ST6GALNAC5: variants seen among roughly 807,000 people sequenced by gnomAD.
ST6GALNAC5 encodes the protein alpha-N-acetylgalactosaminide alpha-2,6-sialyltransferase 5.
ST6GALNAC5 carries 27 observed loss-of-function variants against 33.6 expected under a neutral mutation model. That is an observed-to-expected ratio of 0.80 (90% confidence interval 0.59 to 1.11). The LOEUF (loss-of-function observed/expected upper bound fraction) is 1.11. Ranked by LOEUF, ST6GALNAC5 falls within the 50% of genes least tolerant of loss-of-function variation. The pLI is 0.00. For synonymous variants in ST6GALNAC5, 194 were observed against 171.2 expected, an observed-to-expected ratio of 1.13 and a Z score of -1.04; for missense variants, 428 against 454.0, an observed-to-expected ratio of 0.94 and a Z score of 0.52.
intron 2 of ST6GALNAC5, among the ~76,000 whole-genome samples, chr1:76,978,274 T>A (rs1025231301): frequency 6.6e-6 from 1 of 152,066 alleles, no homozygotes; most frequent in Admixed American, 6.5e-5. Flanking sequence ...CTGTAGGTTG[T>A]TTTTTCACTC....
intron 2 of ST6GALNAC5, among the ~76,000 whole-genome samples, chr1:77,017,611 C>T (rs1650899787): frequency 1.3e-5 from 2 of 152,172 alleles, no homozygotes; most frequent in Admixed American, 1.3e-4. Flanking sequence ...GTTTAAATGA[C>T]AAAGCTCCTC....
At chr1:76,985,223 T>C (rs1030766236) in intron 2 of ST6GALNAC5, among the ~76,000 whole-genome samples, 1 of 152,198 alleles carries the variant, frequency 6.6e-6, no homozygotes, top group Non-Finnish European at 1.5e-5. Flanking sequence ...GGAAGTCAAA[T>C]TGTCCCTTTT....
At chr1:77,034,043 G>T (rs978565613) in intron 2 of ST6GALNAC5, among the ~76,000 whole-genome samples, 6 of 152,078 alleles carry the variant, frequency 3.9e-5, no homozygotes, top group African/African-American at 1.4e-4. Context: ...CGACCTTGTT[G>T]GTGGCAAAGT....
chr1:77,052,079 G>A (rs1652238257), intron 4 of ST6GALNAC5, among the ~76,000 whole-genome samples: 1 of 152,212 alleles, frequency 6.6e-6, no homozygotes, highest in Non-Finnish European at 1.5e-5. Flanking sequence ...TAATGTCAAT[G>A]CATTACATAT....
chr1:76,896,607 A>C (rs1654144000), intron 2 of ST6GALNAC5, among the ~76,000 whole-genome samples: 3 of 152,078 alleles, frequency 2.0e-5, no homozygotes, highest in African/African-American at 7.2e-5. Context: ...TGGATCAGAG[A>C]GATACAGTCA....
rs138633761 is a variant in ST6GALNAC5, at chr1:77,000,807, T to C, written c.262-43397T>C. On this transcript the variant is annotated intron_variant, in intron 2 of 4. Coordinates refer to ENST00000477717, the MANE Select transcript of ST6GALNAC5 (RefSeq NM_030965.3). The stretch of plus-strand genomic sequence containing the variant: ...GTCAAAGATCAGATAGTTGTAGATA[T>C]GCGGCGTTATTTCTGAGGGCTCCGT... 4.9e-3 allele frequency among the ~76,000 whole-genome samples: 746 copies of C among 152,216 alleles called. 8 individuals carry two copies. The highest frequency in any genetic ancestry group is 0.017 in the African/African-American group (716 of 41,532).
intron 2 of ST6GALNAC5, among the ~76,000 whole-genome samples, chr1:77,013,397 AGGCATGG>A (rs1460687793): frequency 1.3e-5 from 2 of 152,266 alleles, no homozygotes; most frequent in Admixed American, 1.3e-4. Flanking sequence ...TCAAGTAATC[AGGCATGG>A]GGCTAAAGGC....
At chr1:76,966,396 CTCTG>C (rs1251688563) in intron 2 of ST6GALNAC5, among the ~76,000 whole-genome samples, 3 of 151,834 alleles carry the variant, frequency 2.0e-5, no homozygotes, top group African/African-American at 2.4e-5. Flanking sequence ...TGATTTGGCT[CTCTG>C]TCTGTTATTG....
intron 2 of ST6GALNAC5, among the ~76,000 whole-genome samples, chr1:76,975,227 A>T (rs182328233): frequency 2.0e-5 from 3 of 152,184 alleles, no homozygotes; most frequent in Admixed American, 6.6e-5. Flanking sequence ...AAGTAGATAC[A>T]TTATCCCATA....
At chr1:76,982,075 G>A (rs1649277631) in intron 2 of ST6GALNAC5, among the ~76,000 whole-genome samples, 1 of 152,190 alleles carries the variant, frequency 6.6e-6, no homozygotes, top group Non-Finnish European at 1.5e-5. Flanking sequence ...CAGAAAAGCT[G>A]AAAATTCTGA....
chr1:76,958,760 T>C (rs1004697900), intron 2 of ST6GALNAC5, among the ~76,000 whole-genome samples: 6 of 152,028 alleles, frequency 3.9e-5, no homozygotes, highest in African/African-American at 1.2e-4. Context: ...TCCTTCCTCA[T>C]TGGTCTCTCT....
At position 76,868,995 on chromosome 1, in the gene ST6GALNAC5, G is replaced by A. The variant is rs530207595; in HGVS notation, c.261+253G>A. The A allele has an allele frequency of 7.9e-5, 40 of 506,996 alleles. No homozygotes were observed. The South Asian group carries it at 1.7e-3, about 21-fold the overall frequency. The allele number at this position is 506,996 out of a possible 1,614,324, so 31.4% of individuals were successfully genotyped here. A position where few individuals can be genotyped will look rare whatever the true frequency, so the allele number is the denominator to read the frequency against. ...AAGCCTAATTTCCCAGCAGAAATCGGCCCTGGAACTAGAACTCCCTGATCC... is the reference window on the plus strand; with the variant it reads ...AAGCCTAATTTCCCAGCAGAAATCGACCCTGGAACTAGAACTCCCTGATCC... On this transcript the variant is annotated intron_variant, in intron 2 of 4. Transcript: ENST00000477717. The surrounding 1 kb of genome is among the most constrained non-coding windows in gnomAD (Gnocchi z 4.3).
At chr1:76,958,232 G>T (rs992909115) in intron 2 of ST6GALNAC5, among the ~76,000 whole-genome samples, 1 of 152,056 alleles carries the variant, frequency 6.6e-6, no homozygotes, top group Admixed American at 6.5e-5. Context: ...TTCAACTCTC[G>T]CTTCACATCG....
chr1:76,869,266 G>A (rs114492186), intron 2 of ST6GALNAC5, among the ~76,000 whole-genome samples: 282 of 152,320 alleles, frequency 1.9e-3, no homozygotes, highest in African/African-American at 6.2e-3. Context: ...TGCCCAGGCA[G>A]GCATGGAAGA....
chr1:77,062,601 G>A (rs1652615373), intron 4 of ST6GALNAC5, among the ~76,000 whole-genome samples: 1 of 152,168 alleles, frequency 6.6e-6, no homozygotes, highest in Non-Finnish European at 1.5e-5. Context: ...GAAGCTTAGT[G>A]GAGTGGGGAA....
intron 2 of ST6GALNAC5, among the ~76,000 whole-genome samples, chr1:76,950,993 T>C (rs1182665797): frequency 2.0e-5 from 3 of 150,680 alleles, no homozygotes; most frequent in African/African-American, 7.4e-5. Flanking sequence ...AAAAAAAAAA[T>C]AGAAAAGCCA....
intron 3 of ST6GALNAC5, among the ~76,000 whole-genome samples, chr1:77,049,951 G>C (rs1320188309): frequency 6.6e-6 from 1 of 152,210 alleles, no homozygotes; most frequent in East Asian, 1.9e-4. Context: ...ATAAGAAATT[G>C]AGTTGTGGTA....
chr1:77,037,206 A>C (rs1281718090), intron 2 of ST6GALNAC5, among the ~76,000 whole-genome samples: 1 of 152,214 alleles, frequency 6.6e-6, no homozygotes, highest in Non-Finnish European at 1.5e-5. Flanking sequence ...TTTTCATGGA[A>C]TAGTATACAG....
intron 2 of ST6GALNAC5, among the ~76,000 whole-genome samples, chr1:77,005,976 T>C (rs60900023): frequency 0.076 from 11,628 of 152,270 alleles, 953 homozygotes; most frequent in African/African-American, 0.21. Flanking sequence ...TTTCCAACAT[T>C]TGGCTTTTGA....
Sources: allele counts gnomAD v4.1 joint callset (sites outside exome capture counted in the v4.1 genomes callset), GRCh38; gene constraint gnomAD v4.1.1; non-coding constraint Gnocchi (gnomAD v3.1); transcripts MANE v1.5; gene names NCBI Gene and HGNC (gene_info 2026-07-23, HGNC 2026-07-21).